Variants in DPP10 observed in about 807,000 individuals in gnomAD.
The protein encoded by DPP10 is inactive dipeptidyl peptidase 10.
DPP10 carries 33 observed loss-of-function variants against 120.9 expected under a neutral mutation model. The ratio of observed to expected loss-of-function variants is 0.27; its 90% confidence interval spans 0.21 to 0.37. The LOEUF (loss-of-function observed/expected upper bound fraction) is 0.37. Among genes scored for constraint, DPP10 ranks in the 10% least tolerant of loss-of-function variants. The pLI is 1.00. For synonymous variants in DPP10, 337 were observed against 326.1 expected (o/e 1.03, Z -0.36); for missense variants, 816 against 942.8 (o/e 0.87, Z 1.76).
At chr2:115,177,537 G>T (rs866536736) in intron 1 of DPP10, among the ~76,000 whole-genome samples, 5 of 151,994 alleles carry the variant, frequency 3.3e-5, no homozygotes, top group Admixed American at 2.6e-4. Context: ...AATATATACA[G>T]TGGAACGTCT....
At chr2:115,839,397 T>C (rs1278151079) in intron 24 of DPP10, among the ~76,000 whole-genome samples, 1 of 152,118 alleles carries the variant, frequency 6.6e-6, no homozygotes, top group African/African-American at 2.4e-5. Context: ...TAGCTTAGGC[T>C]GGGCGCGGTG....
intron 3 of DPP10, among the ~76,000 whole-genome samples, chr2:115,456,254 A>G (rs951781407): frequency 1.3e-5 from 2 of 152,172 alleles, no homozygotes; most frequent in Non-Finnish European, 2.9e-5. Context: ...TCAAAACCAC[A>G]ATTATATATC....
At chr2:114,682,696 C>T (rs962126788) in intron 1 of DPP10, among the ~76,000 whole-genome samples, 75 of 151,514 alleles carry the variant, frequency 5.0e-4, no homozygotes, top group African/African-American at 1.8e-3. Flanking sequence ...TCAAAAGAGC[C>T]AAGGATTTTA....
intron 1 of DPP10, among the ~76,000 whole-genome samples, chr2:114,884,367 G>T (rs1691882131): frequency 6.6e-6 from 1 of 152,192 alleles, no homozygotes; most frequent in African/African-American, 2.4e-5. Context: ...GCTAAAATCA[G>T]TGTATTGGCG....
At chr2:114,801,351 G>A (rs1231763078) in intron 1 of DPP10, among the ~76,000 whole-genome samples, 1 of 152,052 alleles carries the variant, frequency 6.6e-6, no homozygotes, top group Non-Finnish European at 1.5e-5. Flanking sequence ...TCTAGGAGGT[G>A]TAACTGATTC....
chr2:115,585,335 A>G (rs2082222393), intron 5 of DPP10, among the ~76,000 whole-genome samples: 2 of 152,250 alleles, frequency 1.3e-5, no homozygotes, highest in South Asian at 2.1e-4. Flanking sequence ...GGTAATCCAG[A>G]TAATGGCATG....
chr2:114,718,223 T>C (rs17043419), intron 1 of DPP10, among the ~76,000 whole-genome samples: 2,942 of 151,996 alleles, frequency 0.019, 114 homozygotes, highest in African/African-American at 0.067. Flanking sequence ...TCCAGTCCTA[T>C]AGCCTTCAAT....
intron 1 of DPP10, among the ~76,000 whole-genome samples, chr2:114,864,926 G>A (rs1371134947): frequency 2.0e-5 from 3 of 151,998 alleles, no homozygotes; most frequent in South Asian, 2.1e-4. Flanking sequence ...TAATAATAAC[G>A]TAAAAGATCT....
At chr2:115,783,236 G>A (rs1490650345) in intron 17 of DPP10, among the ~76,000 whole-genome samples, 1 of 152,074 alleles carries the variant, frequency 6.6e-6, no homozygotes, top group Non-Finnish European at 1.5e-5. Context: ...TTACAGGTGA[G>A]AAAAATTAGT....
chr2:114,595,311 A>C (rs1382183839), intron 1 of DPP10, among the ~76,000 whole-genome samples: 1 of 152,106 alleles, frequency 6.6e-6, no homozygotes, highest in Admixed American at 6.6e-5. Context: ...TCTGAGGAGT[A>C]CATCGCCTAC....
At chr2:114,784,203 G>C (rs1178521669) in intron 1 of DPP10, among the ~76,000 whole-genome samples, 1 of 151,912 alleles carries the variant, frequency 6.6e-6, no homozygotes, top group South Asian at 2.1e-4. Context: ...ACACTATTTT[G>C]GCTTTCTTCC....
At chr2:115,011,493 C>G (rs1702260917) in intron 1 of DPP10, among the ~76,000 whole-genome samples, 1 of 152,134 alleles carries the variant, frequency 6.6e-6, no homozygotes, top group South Asian at 2.1e-4. Context: ...TAAATTGACC[C>G]TTTTAACCCA....
chr2:115,586,066 T>C (rs547054695), intron 5 of DPP10, among the ~76,000 whole-genome samples: 2 of 152,258 alleles, frequency 1.3e-5, no homozygotes, highest in Non-Finnish European at 2.9e-5. Flanking sequence ...CTCACGCCTG[T>C]AATCCCAGCA....
chr2:114,665,597 A>G (rs1697864245), intron 1 of DPP10, among the ~76,000 whole-genome samples: 1 of 152,230 alleles, frequency 6.6e-6, no homozygotes, highest in Non-Finnish European at 1.5e-5. Flanking sequence ...CAGATTTCAC[A>G]GAAAATCTTT....
intron 1 of DPP10, chr2:115,234,646 G>A (rs1322826365): frequency 1.3e-5 from 2 of 152,182 alleles, no homozygotes; most frequent in East Asian, 1.9e-4. Flanking sequence ...GCAGGTAGCT[G>A]TGTATGCATG....
chr2:115,730,943 C>T (rs1663349799), intron 8 of DPP10, among the ~76,000 whole-genome samples: 1 of 152,144 alleles, frequency 6.6e-6, no homozygotes, highest in Non-Finnish European at 1.5e-5. Flanking sequence ...AACTAAGACG[C>T]ACCCAGTGCT....
chr2:115,707,530 A>T (rs1339919615), intron 7 of DPP10, among the ~76,000 whole-genome samples: 1 of 151,486 alleles, frequency 6.6e-6, no homozygotes, highest in East Asian at 1.9e-4. Context: ...ACATCTAGTG[A>T]TTCTGAATGT....
intron 1 of DPP10, among the ~76,000 whole-genome samples, chr2:114,946,543 A>G (rs1574544774): frequency 6.6e-6 from 1 of 152,264 alleles, no homozygotes; most frequent in Middle Eastern, 3.5e-3. Flanking sequence ...GTAAATAAAA[A>G]TATCCCCTAT....
At chr2:115,437,183 GATAATAGGGTGAAGAC>G (rs2071574752) in intron 3 of DPP10, among the ~76,000 whole-genome samples, 1 of 151,936 alleles carries the variant, frequency 6.6e-6, no homozygotes, top group African/African-American at 2.4e-5. Context: ...CAAAATAATG[GATAATAGGGTGAAGAC>G]ATTCCCTAAT....
Sources: gnomAD v4.1 joint callset for allele counts (sites outside exome capture counted in the v4.1 genomes callset) on GRCh38, gnomAD v4.1.1 for gene constraint, MANE v1.5 for transcripts, NCBI Gene and HGNC (gene_info 2026-07-23, HGNC 2026-07-21) for gene names.